The following TET2 variants were observed in gnomAD, a reference collection of about 807,000 sequenced individuals.
TET2 encodes methylcytosine dioxygenase TET2.
Under a neutral mutation model 142.9 loss-of-function variants are expected in TET2, and 299 were observed. The ratio of observed to expected loss-of-function variants is 2.09; its 90% confidence interval spans 1.90 to 2.30. The LOEUF is 2.30. Among genes scored for constraint, TET2 ranks in the 30% most tolerant of loss-of-function variants. TET2 has a pLI of 0.00. For missense variants in TET2, 2,418 were observed against 2,378.0 expected (o/e 1.02, Z -0.35); for synonymous variants, 819 against 849.0 (o/e 0.96, Z 0.61).
At chr4:105,164,112 T>C (rs138827202) in intron 1 of TET2, among the ~76,000 whole-genome samples, 69 of 152,322 alleles carry the variant, frequency 4.5e-4, no homozygotes, top group African/African-American at 1.5e-3. Flanking sequence ...GTAGTCACCA[T>C]GCTGTACATT....
intron 1 of TET2, among the ~76,000 whole-genome samples, chr4:105,156,960 A>G (rs1306134491): frequency 1.3e-5 from 2 of 152,146 alleles, no homozygotes; most frequent in African/African-American, 4.8e-5. Flanking sequence ...TATATTTGCC[A>G]TTGGCTGTAA....
Position 105,241,374 on chromosome 4 carries a change from A to AC in TET2, c.3448dup (p.His1150ProfsTer7). 1 of 1,549,214 alleles carries AC rather than the reference A, an allele frequency of 6.5e-7. No individual in the cohort carries two copies. The highest frequency in any genetic ancestry group is 1.2e-5 in the South Asian group (1 of 83,454). ...TGAAAAAGATGAAGGTCCTTTTTAT[A>AC]CCCATCTAGGAGCAGGTCCTAATGT... On this transcript the variant is annotated frameshift_variant, in exon 4 of 11. Coordinates refer to ENST00000380013, the MANE Select transcript of TET2 (RefSeq NM_001127208.3). LOFTEE classifies it high-confidence loss of function.
In TET2 at chr4:105,274,935, C is replaced by T. The variant is rs2647243; in HGVS notation, c.4538-113C>T. 1,198,379 of 1,329,480 alleles carry T rather than the reference C, an allele frequency of 0.9. 543,638 individuals are homozygous for T. The highest frequency in any genetic ancestry group is 0.98 in the African/African-American group (66,371 of 67,470). The allele number at this position is 1,329,480 out of a possible 1,614,324, so 82.4% of individuals were successfully genotyped here. Reference sequence around the variant, plus strand: ...GCTCTTATCTTTGCTTAATGGGTGTCGTATATCACTAGTGGAGTTTCTTAC... The same window carrying T: ...GCTCTTATCTTTGCTTAATGGGTGTTGTATATCACTAGTGGAGTTTCTTAC... On this transcript the variant is annotated intron_variant, in intron 10 of 10. Transcript: ENST00000380013.
intron 1 of TET2, among the ~76,000 whole-genome samples, chr4:105,155,924 T>C (rs1723544655): frequency 6.6e-6 from 1 of 152,232 alleles, no homozygotes; most frequent in South Asian, 2.1e-4. Flanking sequence ...TAGATGCTCA[T>C]GTTAGACCCA....
intron 6 of TET2, among the ~76,000 whole-genome samples, chr4:105,245,379 G>A (rs1197425064): frequency 1.3e-5 from 2 of 151,520 alleles, no homozygotes; most frequent in South Asian, 2.1e-4. Flanking sequence ...CACCCAGGCT[G>A]GAGTGCAATG....
At chr4:105,164,354 A>G (rs1320785175) in intron 1 of TET2, among the ~76,000 whole-genome samples, 1 of 152,228 alleles carries the variant, frequency 6.6e-6, no homozygotes, top group East Asian at 1.9e-4. Context: ...AGGTTGCCTT[A>G]GCATTTGTGA....
At chr4:105,182,762 T>C (rs1725196949) in intron 1 of TET2, among the ~76,000 whole-genome samples, 1 of 152,226 alleles carries the variant, frequency 6.6e-6, no homozygotes. Context: ...AGCAGCTTTA[T>C]ACTATAGTGT....
At chr4:105,206,193 C>A (rs777825109) in intron 2 of TET2, among the ~76,000 whole-genome samples, 1 of 152,222 alleles carries the variant, frequency 6.6e-6, no homozygotes, top group Non-Finnish European at 1.5e-5. Context: ...ACGCCAGGGT[C>A]CTGCTGCCCA....
In TET2 at chr4:105,276,483, C is replaced by T. The variant is rs1345840419; in HGVS notation, c.5973C>T (p.Phe1991=). The T allele has an allele frequency of 1.9e-6, 3 of 1,551,676 alleles. No homozygotes were observed. Among genetic ancestry groups the T allele is most frequent in the South Asian group, 1.2e-5 (1 of 84,058 alleles). The change falls in exon 11 of 11, where the codon TTC becomes TTT. Residue 1991 remains phenylalanine, a synonymous_variant. Coordinates refer to ENST00000380013, the MANE Select transcript of TET2 (RefSeq NM_001127208.3). ...DSTVTTSPYA[F]TRVTGPYNRY... is the part of the protein sequence containing the mutation. ...CAGTAACTACATCTCCATATGCCTT[C>T]ACTCGGGTCACAGGGCCTTACAACA...
intron 1 of TET2, among the ~76,000 whole-genome samples, chr4:105,187,858 G>A (rs1214057038): frequency 2.0e-5 from 3 of 152,106 alleles, no homozygotes; most frequent in Non-Finnish European, 4.4e-5. Context: ...TACAATAACA[G>A]GTGTTAGTGC....
Position 105,275,804 on chromosome 4 carries a change from A to G in TET2, c.5294A>G (p.Asn1765Ser). 1 of 1,551,746 alleles carries G rather than the reference A, an allele frequency of 6.4e-7. No homozygotes were observed. The highest frequency in any genetic ancestry group is 8.7e-7 in the Non-Finnish European group (1 of 1,146,998). The change falls in exon 11 of 11, where the codon AAC (asparagine) becomes AGC (serine). Residue 1765 changes from asparagine (N) to serine (S), a missense_variant. By Grantham distance (46) the Asn-to-Ser change is conservative (BLOSUM62 1). Coordinates refer to ENST00000380013, the MANE Select transcript of TET2 (RefSeq NM_001127208.3). Reference sequence around the variant, plus strand: ...CATTCACCTTCTCACATAATCCATAACTACAGTGCAGCTCCGGGCATGTTC... The same window carrying G: ...CATTCACCTTCTCACATAATCCATAGCTACAGTGCAGCTCCGGGCATGTTC... ...EHHSPSHIIH[N>S]YSAAPGMFNS...
In TET2 at chr4:105,269,686, G is replaced by T; in HGVS notation, c.4121G>T (p.Cys1374Phe). The change falls in exon 9 of 11, where the codon TGT (cysteine) becomes TTT (phenylalanine). Residue 1374 changes from cysteine to phenylalanine, a missense_variant. Coordinates refer to ENST00000380013, the MANE Select transcript of TET2 (RefSeq NM_001127208.3). The stretch of plus-strand genomic sequence containing the variant: ...CGTCCATTCTCAGGGGTCACTGCAT[G>T]TTTGGACTTCTGTGCTCATGCCCAC... ...EGRPFSGVTACLDFCAHAHRD... is the reference protein window; with the variant it reads ...EGRPFSGVTAFLDFCAHAHRD... The T allele has an allele frequency of 1.3e-6, 2 of 1,551,688 alleles. No individual in the cohort carries two copies. Among genetic ancestry groups the T allele is most frequent in the Non-Finnish European group, 1.7e-6 (2 of 1,146,960 alleles).
At chr4:105,244,193 CT>C (rs1329560727) in intron 6 of TET2, among the ~76,000 whole-genome samples, 1 of 152,146 alleles carries the variant, frequency 6.6e-6, no homozygotes, top group Non-Finnish European at 1.5e-5. Context: ...GGTCAAATAC[CT>C]TCCATATGTA....
chr4:105,249,440 T>C (rs371227748), intron 6 of TET2, among the ~76,000 whole-genome samples: 1 of 152,240 alleles, frequency 6.6e-6, no homozygotes, highest in African/African-American at 2.4e-5. Context: ...GAACATGTTT[T>C]CAGTTACCTT....
intron 2 of TET2, among the ~76,000 whole-genome samples, chr4:105,212,589 G>A (rs1270184431): frequency 6.6e-6 from 1 of 151,898 alleles, no homozygotes; most frequent in African/African-American, 2.4e-5. Context: ...AATTGTGTAT[G>A]GCTGGTCTAT....
intron 2 of TET2, among the ~76,000 whole-genome samples, chr4:105,214,747 T>C (rs1727390598): frequency 6.6e-6 from 1 of 151,932 alleles, no homozygotes; most frequent in African/African-American, 2.4e-5. Flanking sequence ...GCTGAACCAG[T>C]GGAGGTTCCT....
chr4:105,206,729 T>C (rs1435726867), intron 2 of TET2, among the ~76,000 whole-genome samples: 3 of 152,210 alleles, frequency 2.0e-5, no homozygotes, highest in Non-Finnish European at 4.4e-5. Context: ...TTTTCTAATT[T>C]TTGTTTTTCT....
intron 2 of TET2, among the ~76,000 whole-genome samples, chr4:105,229,160 T>G (rs1319639501): frequency 6.6e-6 from 1 of 152,172 alleles, no homozygotes; most frequent in African/African-American, 2.4e-5. Context: ...ATACCACATC[T>G]CAATTTGGAC....
chr4:105,165,152 A>ATCGG (rs1452824132), intron 1 of TET2, among the ~76,000 whole-genome samples: 1 of 152,122 alleles, frequency 6.6e-6, no homozygotes, highest in Admixed American at 6.5e-5. Flanking sequence ...AGGCGGGCAG[A>ATCGG]TCACCTGAGG....
Sources: gnomAD v4.1 joint callset for allele counts (sites outside exome capture counted in the v4.1 genomes callset) on GRCh38, gnomAD v4.1.1 for gene constraint, MANE v1.5 for transcripts, NCBI Gene and HGNC (gene_info 2026-07-23, HGNC 2026-07-21) for gene names.